The following GOLGA8T variants were observed in gnomAD, a reference collection of about 807,000 sequenced individuals.
GOLGA8T encodes golgin subfamily A member 8T.
Under a neutral mutation model 52.0 loss-of-function variants are expected in GOLGA8T, and 17 were observed. The ratio of observed to expected loss-of-function variants is 0.33; its 90% confidence interval spans 0.22 to 0.49. The LOEUF is 0.49. Ranked by LOEUF, GOLGA8T falls within the 20% of genes least tolerant of loss-of-function variation. GOLGA8T has a pLI of 0.99. For missense variants in GOLGA8T, 154 were observed against 462.1 expected, an observed-to-expected ratio of 0.33 and a Z score of 6.11; for synonymous variants, 67 against 169.5, an observed-to-expected ratio of 0.40 and a Z score of 4.70.
At position 30,142,422 on chromosome 15, in the gene GOLGA8T, T is replaced by G; in HGVS notation, c.1200+40T>G. ...AACCTCCACCCCATCCAAGAAGGGCTGGGAGGCGGGCAGCAGACTCTGGGG... is the reference window on the plus strand; with the variant it reads ...AACCTCCACCCCATCCAAGAAGGGCGGGGAGGCGGGCAGCAGACTCTGGGG... On this transcript the variant is annotated intron_variant, in intron 13 of 18. Coordinates refer to ENST00000569052, the MANE Select transcript of GOLGA8T (RefSeq NM_001355469.2). 9 of 1,578,278 alleles carry G rather than the reference T, an allele frequency of 5.7e-6. 1 individual carries two copies. The highest frequency in any genetic ancestry group is 6.8e-6 in the Non-Finnish European group (8 of 1,173,454).
Position 30,143,625 on chromosome 15 carries a change from G to A in GOLGA8T, c.1220G>A (p.Ser407Asn), listed in dbSNP as rs1164209268. 6.3e-7 allele frequency: 1 copy of A among 1,586,494 alleles called. No individual in the cohort carries two copies. The highest frequency in any genetic ancestry group is 1.7e-5 in the Admixed American group (1 of 59,354). The change falls in exon 14 of 19, where the codon AGC becomes AAC. Residue 407 changes from serine (S) to asparagine (N), a missense_variant. Ser to Asn is a conservative substitution (Grantham distance 46). Around this residue, in one of 6 missense-constraint regions of GOLGA8T, gnomAD observed 5 missense variants for 51.0 expected, o/e 0.10. Transcript: ENST00000569052. ...KLGEEHLEAA[S>N]QQNQQLTAQL... ...CCTCAGGAGCACCTGGAAGCTGCCA[G>A]CCAGCAGAACCAGCAGCTAACGGCC...
chr15:30,140,176 T>TGTGTGA, intron 8 of GOLGA8T: 1 of 515,152 alleles, frequency 1.9e-6, no homozygotes, highest in East Asian at 4.1e-5. Flanking sequence ...TGTGTGTGTG[T>TGTGTGA]GTGTGCATAC....
intron 11 of GOLGA8T, 68 bp downstream of exon 11, chr15:30,141,493 G>T: frequency 7.0e-7 from 1 of 1,420,842 alleles, no homozygotes; most frequent in Non-Finnish European, 9.4e-7. Flanking sequence ...GGCTTAGAGT[G>T]CCCCAGGGAG....
intron 15 of GOLGA8T, among the ~76,000 whole-genome samples, 159 bp from the exon 16 acceptor site, chr15:30,144,620 C>CT (rs1420513486): frequency 9.1e-6 from 1 of 109,484 alleles, no homozygotes; most frequent in Non-Finnish European, 1.7e-5. Flanking sequence ...GCCCCAGGGC[C>CT]TGGGGGCGAG....
intron 13 of GOLGA8T, among the ~76,000 whole-genome samples, chr15:30,143,346 C>T (rs1595419231): frequency 8.7e-6 from 1 of 115,400 alleles, no homozygotes; most frequent in Non-Finnish European, 1.6e-5. Flanking sequence ...AGCAGCCAGA[C>T]CATTACCTGG....
chr15:30,148,325 T>G lies in GOLGA8T; in HGVS notation c.*2758T>G, dbSNP rs1421032592. ...CATTTTAAAAGTATTTGATTCAACC[T>G]GATAATTTTCCAGAAATGAAAAAAA... is the stretch of plus-strand genomic sequence containing the variant. On this transcript the variant is annotated 3_prime_UTR_variant, in exon 19 of 19. Transcript: ENST00000569052. 1.6e-5 allele frequency among the ~76,000 whole-genome samples: 2 copies of G among 127,656 alleles called. 1 individual carries two copies. The highest frequency in any genetic ancestry group is 1.4e-4 in the Admixed American group (2 of 13,926). The allele number at this position is 127,656 out of a possible 152,430, so 83.7% of individuals were successfully genotyped here.
At chr15:30,141,189 T>A in intron 10 of GOLGA8T, 47 bp downstream of exon 10, 1 of 1,073,206 alleles carries the variant, frequency 9.3e-7, no homozygotes, top group Non-Finnish European at 1.3e-6. Context: ...GGTCACTGGA[T>A]CTTTCTGGTC....
In GOLGA8T at chr15:30,145,685, T is replaced by C. The variant is rs2057820363; in HGVS notation, c.*118T>C. 4.2e-6 allele frequency: 4 copies of C among 952,956 alleles called. No homozygotes were observed. The highest frequency in any genetic ancestry group is 3.6e-5 in the South Asian group (2 of 56,264). The allele number at this position is 952,956 out of a possible 1,614,324, so 59.0% of individuals were successfully genotyped here. A position where few individuals can be genotyped will look rare whatever the true frequency, so the allele number is the denominator to read the frequency against. On this transcript the variant is annotated 3_prime_UTR_variant, in exon 19 of 19. Coordinates refer to ENST00000569052, the MANE Select transcript of GOLGA8T (RefSeq NM_001355469.2). ...GAATGTTAGACTCACTCATGATTAT[T>C]TGTGTTTCTAATTTATAGTTTAAGT...
rs779127941 is a variant in GOLGA8T, at chr15:30,140,924, C to A, written c.674C>A (p.Thr225Lys). 5 of 1,558,236 alleles carry A rather than the reference C, an allele frequency of 3.2e-6. 1 individual carries two copies. Among genetic ancestry groups the A allele is most frequent in the Non-Finnish European group, 4.3e-6 (5 of 1,160,632 alleles). The change falls in exon 9 of 19, where the codon ACA becomes AAA. Residue 225 changes from threonine to lysine, a missense_variant. Transcript: ENST00000569052. ...REETLLKVQL[T>K]QLKESFQQVQ... ...GAGACACTACTGAAAGTGCAGCTGA[C>A]ACAGGTGAGGTTTTCTGAGGGAGTT... is the stretch of plus-strand genomic sequence containing the variant.
chr15:30,140,513 A>G (rs1462270113), intron 8 of GOLGA8T, among the ~76,000 whole-genome samples: 3 of 119,060 alleles, frequency 2.5e-5, no homozygotes, highest in Admixed American at 1.7e-4. Context: ...ACTGTCTCCT[A>G]TGGTGGTTGC....
chr15:30,141,452 A>G lies in GOLGA8T; in HGVS notation c.874+27A>G. 4 of 1,520,656 alleles carry G rather than the reference A, an allele frequency of 2.6e-6. 1 individual carries two copies. The highest frequency in any genetic ancestry group is 3.5e-6 in the Non-Finnish European group (4 of 1,149,756). 94.2% of individuals were successfully genotyped at this position (1,520,656 alleles called of 1,614,324 possible). A position where few individuals can be genotyped will look rare whatever the true frequency, so the allele number is the denominator to read the frequency against. On this transcript the variant is annotated intron_variant, in intron 11 of 18. Transcript: ENST00000569052. Reference sequence around the variant, plus strand: ...TAAGATGGGGCTGGCATGACCTAGGAGCAGGACTGGCATCAGAGGGCTGTG... The same window carrying G: ...TAAGATGGGGCTGGCATGACCTAGGGGCAGGACTGGCATCAGAGGGCTGTG...
At position 30,142,379 on chromosome 15, in the gene GOLGA8T, C is replaced by T. The variant is rs527828932; in HGVS notation, c.1197C>T (p.Gly399=). The T allele has an allele frequency of 3.5e-5, 55 of 1,551,112 alleles. 4 individuals are homozygous for T. The highest frequency in any genetic ancestry group is 1.4e-4 in the East Asian group (6 of 42,490). ...QQVKELQEKL[G]EEHLEAASQQ... ...TAAAGGAGCTACAGGAGAAGCTTGG[C>T]GAGGTGAAGGAGACGGAAACCTCCA... Residue 399 remains glycine (G), a synonymous_variant, in exon 13 of 19, where the codon GGC becomes GGT. Transcript: ENST00000569052.
At chr15:30,140,759 G>C in intron 8 of GOLGA8T, 83 bp from the exon 9 acceptor site, 1 of 1,055,786 alleles carries the variant, frequency 9.5e-7, no homozygotes, top group Non-Finnish European at 1.4e-6. Context: ...TGTATATTGG[G>C]CCTAGCCCTA....
At chr15:30,143,494 A>T (rs1169232802) in intron 13 of GOLGA8T, 112 bp from the exon 14 acceptor site, 11 of 1,370,260 alleles carry the variant, frequency 8.0e-6, no homozygotes, top group Non-Finnish European at 9.6e-6. Flanking sequence ...GGTGGCTGAG[A>T]TGGCCTGCCA....
chr15:30,142,429 C>A, intron 13 of GOLGA8T, 47 bp downstream of exon 13: 1 of 1,579,998 alleles, frequency 6.3e-7, no homozygotes, highest in Non-Finnish European at 8.5e-7. Flanking sequence ...GGCTGGGAGG[C>A]GGGCAGCAGA....
Position 30,144,660 on chromosome 15 carries a change from G to A in GOLGA8T, c.1369-119G>A. ...TGAGTAGGGAGACCCACTGGGCCCTGCAGGAAGTCACGGAGAAGCTGGCCC... is the reference window on the plus strand; with the variant it reads ...TGAGTAGGGAGACCCACTGGGCCCTACAGGAAGTCACGGAGAAGCTGGCCC... On this transcript the variant is annotated intron_variant, in intron 15 of 18. Coordinates refer to ENST00000569052, the MANE Select transcript of GOLGA8T (RefSeq NM_001355469.2). 4.1e-6 allele frequency: 5 copies of A among 1,207,608 alleles called. 1 individual carries two copies. Among genetic ancestry groups the A allele is most frequent in the Non-Finnish European group, 5.4e-6 (5 of 920,560 alleles). The allele number at this position is 1,207,608 out of a possible 1,614,324, so 74.8% of individuals were successfully genotyped here.
In GOLGA8T at chr15:30,141,082, T is replaced by C. The variant is rs1272191511; in HGVS notation, c.726T>C (p.Ser242=). 8.2e-7 allele frequency: 1 copy of C among 1,217,196 alleles called. No homozygotes were observed. Among genetic ancestry groups the C allele is most frequent in the East Asian group, 2.4e-5 (1 of 40,888 alleles). The allele number at this position is 1,217,196 out of a possible 1,614,324, so 75.4% of individuals were successfully genotyped here. ...QQVQLERDEY[S]EHLKGERARW... ...TCCAATTAGAAAGAGATGAGTATTC[T>C]GAACATCTAAAAGGAGAGAGGGCCC... is the stretch of plus-strand genomic sequence containing the variant. The change falls in exon 10 of 19, where the codon TCT becomes TCC. Residue 242 remains serine, a synonymous_variant. Transcript: ENST00000569052.
In GOLGA8T at chr15:30,145,873, CT is replaced by C. The variant is rs2057822893; in HGVS notation, c.*307del. ...GGGAGTTCAAACACACAAAGACCCA[CT>C]CTTTGCCCAAAACTGTTCTCTTTGG... On this transcript the variant is annotated 3_prime_UTR_variant, in exon 19 of 19. Coordinates refer to ENST00000569052, the MANE Select transcript of GOLGA8T (RefSeq NM_001355469.2). Among the ~76,000 whole-genome samples, 1 of 96,484 alleles carries C rather than the reference CT, an allele frequency of 1.0e-5. No individual in the cohort carries two copies. 63.3% of individuals were successfully genotyped at this position (96,484 alleles called of 152,430 possible).
Position 30,140,891 on chromosome 15 carries a change from T to C in GOLGA8T, c.641T>C (p.Met214Thr). 1 of 1,555,764 alleles carries C rather than the reference T, an allele frequency of 6.4e-7. No homozygotes were observed. Among genetic ancestry groups the C allele is most frequent in the Non-Finnish European group, 8.6e-7 (1 of 1,160,444 alleles). The change falls in exon 9 of 19, where the codon ATG becomes ACG. Residue 214 changes from methionine (M) to threonine (T), a missense_variant. Physicochemically the swap from Met to Thr is moderately conservative, Grantham distance 81. Coordinates refer to ENST00000569052, the MANE Select transcript of GOLGA8T (RefSeq NM_001355469.2). ...ACGGAGTGGAAGTTAGAGCAGTCCATGCGGGAGGAGACACTACTGAAAGTG... is the reference window on the plus strand; with the variant it reads ...ACGGAGTGGAAGTTAGAGCAGTCCACGCGGGAGGAGACACTACTGAAAGTG... ...ARTEWKLEQS[M>T]REETLLKVQL...
Sources: gnomAD v4.1 joint callset for allele counts (sites outside exome capture counted in the v4.1 genomes callset) on GRCh38, gnomAD v4.1.1 for gene constraint, gnomAD v4.1.1 regional missense constraint, MANE v1.5 for transcripts, NCBI Gene and HGNC (gene_info 2026-07-23, HGNC 2026-07-21) for gene names.